SLC5A3: variants seen among roughly 807,000 people sequenced by gnomAD.
SLC5A3 encodes the protein solute carrier family 5 member 3, also known as sodium/myo-inositol cotransporter.
A neutral mutation model predicts 43.2 loss-of-function variants in SLC5A3; 10 were observed. The ratio of observed to expected loss-of-function variants is 0.23; its 90% CI spans 0.14 to 0.39. The LOEUF is 0.39. Among genes scored for constraint, SLC5A3 ranks in the 10% least tolerant of loss-of-function variants. The pLI is 1.00. For synonymous variants in SLC5A3, 349 were observed against 322.0 expected (o/e 1.08, Z -0.90); for missense variants, 608 against 893.4 (o/e 0.68, Z 4.07).
Position 34,092,260 on chromosome 21 carries a change from A to T in SLC5A3, c.-336-2603A>T, listed in dbSNP as rs1359760690. 2.0e-5 allele frequency among the ~76,000 whole-genome samples: 3 copies of T among 152,172 alleles called. No individual in the cohort carries two copies. The East Asian group carries it at 5.8e-4, about 29-fold the overall frequency. ...TAGCTGCATTGCATTATAGTATTTT[A>T]TATATTTCTACAAACCAAATTGACC... On this transcript the variant is annotated intron_variant, in intron 1 of 1. Transcript: ENST00000381151.
chr21:34,101,120 C>T lies in SLC5A3; in HGVS notation c.*3765C>T. The T allele has an allele frequency of 1.0e-6, 1 of 999,964 alleles. No homozygotes were observed. Among genetic ancestry groups the T allele is most frequent in the African/African-American group, 1.7e-5 (1 of 57,298 alleles). 61.9% of individuals were successfully genotyped at this position (999,964 alleles called of 1,614,324 possible). A position where few individuals can be genotyped will look rare whatever the true frequency, so the allele number is the denominator to read the frequency against. ...CAGAGACTTGCCAGGACAAAATTTT[C>T]CTAAGAAATCAGAAAAATGATTAAG... On this transcript the variant is annotated 3_prime_UTR_variant, in exon 2 of 2. Coordinates refer to ENST00000381151, the MANE Select transcript of SLC5A3 (RefSeq NM_006933.7).
chr21:34,084,601 A>G (rs1189102286), intron 1 of SLC5A3, among the ~76,000 whole-genome samples: 4 of 152,178 alleles, frequency 2.6e-5, no homozygotes, highest in Admixed American at 6.5e-5. Context: ...CATATGTACA[A>G]TTCTCTTGAA....
Position 34,083,186 on chromosome 21 carries a change from T to C in SLC5A3, c.-337+9441T>C, listed in dbSNP as rs564300894. Among the ~76,000 whole-genome samples, 6 of 152,360 alleles carry C rather than the reference T, an allele frequency of 3.9e-5. No individual in the cohort carries two copies. In the East Asian group the frequency reaches 1.2e-3, roughly 29 times the overall value. ...AGTGCAGTTATGGTAGCCGGGTTGC[T>C]GTGGATATAATCCAGTTTGAGAAAA... On this transcript the variant is annotated intron_variant, in intron 1 of 1. Transcript: ENST00000381151.
Position 34,100,733 on chromosome 21 carries a change from A to G in SLC5A3, c.*3378A>G, listed in dbSNP as rs967653296. On this transcript the variant is annotated 3_prime_UTR_variant, in exon 2 of 2. Transcript: ENST00000381151. ...AAGGGGTTAACTCTTGTGAGAGCCA[A>G]TAGAGTGTGTCTGTATTCGCAGTCC... is the stretch of plus-strand genomic sequence containing the variant. 6.0e-6 allele frequency: 6 copies of G among 1,000,016 alleles called. No individual in the cohort carries two copies. Among genetic ancestry groups the G allele is most frequent in the East Asian group, 1.1e-4 (1 of 8,836 alleles). 61.9% of individuals were successfully genotyped at this position (1,000,016 alleles called of 1,614,324 possible).
intron 1 of SLC5A3, among the ~76,000 whole-genome samples, chr21:34,092,313 A>G (rs1978737787): frequency 6.6e-6 from 1 of 152,086 alleles, no homozygotes; most frequent in African/African-American, 2.4e-5. Flanking sequence ...TTCCTTTTCC[A>G]GTCTTTACCA....
At chr21:34,094,520 G>T (rs1341646055) in intron 1 of SLC5A3, among the ~76,000 whole-genome samples, 1 of 152,076 alleles carries the variant, frequency 6.6e-6, no homozygotes, top group Non-Finnish European at 1.5e-5. Flanking sequence ...CCCCTTTAGG[G>T]TGCTTTAAGA....
chr21:34,086,327 A>G (rs1273391870), intron 1 of SLC5A3, among the ~76,000 whole-genome samples: 1 of 152,124 alleles, frequency 6.6e-6, no homozygotes, highest in Non-Finnish European at 1.5e-5. Context: ...GTGGGTACAG[A>G]TGTTAGCAGC....
chr21:34,085,872 GA>G (rs1265428184), intron 1 of SLC5A3, among the ~76,000 whole-genome samples: 1 of 152,142 alleles, frequency 6.6e-6, no homozygotes, highest in Non-Finnish European at 1.5e-5. Flanking sequence ...AAAGTGCTGG[GA>G]TTACAGGTGT....
intron 1 of SLC5A3, among the ~76,000 whole-genome samples, chr21:34,093,189 A>G (rs1357566002): frequency 1.3e-5 from 2 of 151,646 alleles, no homozygotes; most frequent in Non-Finnish European, 1.5e-5. Flanking sequence ...AAATATGATC[A>G]TCTTCAGGAT....
At chr21:34,076,963 A>G (rs62228247) in intron 1 of SLC5A3, among the ~76,000 whole-genome samples, 7,486 of 152,328 alleles carry the variant, frequency 0.049, 260 homozygotes, top group Non-Finnish European at 0.075. Context: ...CTGCAGTCCC[A>G]GGTAGCCTCA....
chr21:34,094,391 C>T (rs1055930115), intron 1 of SLC5A3, among the ~76,000 whole-genome samples: 1 of 152,152 alleles, frequency 6.6e-6, no homozygotes, highest in African/African-American at 2.4e-5. Context: ...TAAACACCAC[C>T]TGCCTGTTCC....
intron 1 of SLC5A3, among the ~76,000 whole-genome samples, chr21:34,082,268 A>G (rs1425361810): frequency 2.0e-5 from 3 of 152,216 alleles, no homozygotes; most frequent in Non-Finnish European, 4.4e-5. Context: ...CAGCAATGGC[A>G]GGCATATTCA....
chr21:34,089,317 C>T (rs1978562717), intron 1 of SLC5A3, among the ~76,000 whole-genome samples: 1 of 151,916 alleles, frequency 6.6e-6, no homozygotes, highest in Non-Finnish European at 1.5e-5. Context: ...CACGCCCAGC[C>T]TGTTATTTCA....
chr21:34,099,816 T>A lies in SLC5A3; in HGVS notation c.*2461T>A. On this transcript the variant is annotated 3_prime_UTR_variant, in exon 2 of 2. Coordinates refer to ENST00000381151, the MANE Select transcript of SLC5A3 (RefSeq NM_006933.7). ...CATTAGAATTGTTTATTCTTGCCAG[T>A]ATAAACATCATTTTATTTAGACTAA... is the stretch of plus-strand genomic sequence containing the variant. The A allele has an allele frequency of 7.7e-6, 5 of 651,880 alleles. No homozygotes were observed. Among genetic ancestry groups the A allele is most frequent in the Non-Finnish European group, 9.8e-6 (5 of 512,712 alleles). 40.4% of individuals were successfully genotyped at this position (651,880 alleles called of 1,614,324 possible).
At chr21:34,076,281 T>C (rs1989328737) in intron 1 of SLC5A3, among the ~76,000 whole-genome samples, 1 of 151,328 alleles carries the variant, frequency 6.6e-6, no homozygotes, top group South Asian at 2.1e-4. Context: ...TCCTCATTAC[T>C]TTTTTTTTGA....
In SLC5A3 at chr21:34,103,548, T is replaced by A; in HGVS notation, c.*6193T>A. 1 of 1,000,172 alleles carries A rather than the reference T, an allele frequency of 1.0e-6. No individual in the cohort carries two copies. The allele number at this position is 1,000,172 out of a possible 1,614,324, so 62.0% of individuals were successfully genotyped here. On this transcript the variant is annotated 3_prime_UTR_variant, in exon 2 of 2. Coordinates refer to ENST00000381151, the MANE Select transcript of SLC5A3 (RefSeq NM_006933.7). ...CGTGACAACAGTTTATATTCCATGA[T>A]AGAAAGCTAAAGTCCATAGAAAGCA...
At position 34,104,048 on chromosome 21, in the gene SLC5A3, A is replaced by G. The variant is rs1387120793; in HGVS notation, c.*6693A>G. On this transcript the variant is annotated 3_prime_UTR_variant, in exon 2 of 2. Coordinates refer to ENST00000381151, the MANE Select transcript of SLC5A3 (RefSeq NM_006933.7). ...TGCCCCCCCAAACATGCAGAAAGTC[A>G]TACTTTAACAGGGCAAATACTACTT... 2.0e-6 allele frequency: 2 copies of G among 1,000,028 alleles called. No homozygotes were observed. The highest frequency in any genetic ancestry group is 2.4e-6 in the Non-Finnish European group (2 of 829,928). 61.9% of individuals were successfully genotyped at this position (1,000,028 alleles called of 1,614,324 possible).
rs1979433719 is a variant in SLC5A3, at chr21:34,105,420, A to C, written c.*8065A>C. The C allele has an allele frequency of 4.0e-6, 4 of 998,830 alleles. No homozygotes were observed. The highest frequency in any genetic ancestry group is 4.8e-6 in the Non-Finnish European group (4 of 828,860). The allele number at this position is 998,830 out of a possible 1,614,324, so 61.9% of individuals were successfully genotyped here. A position where few individuals can be genotyped will look rare whatever the true frequency, so the allele number is the denominator to read the frequency against. ...TAATAATATCCTGTGAAATTGCTTC[A>C]TTCATTCATTTATTTTTAAGCCAAA... On this transcript the variant is annotated 3_prime_UTR_variant, in exon 2 of 2. Transcript: ENST00000381151.
intron 1 of SLC5A3, among the ~76,000 whole-genome samples, chr21:34,074,873 A>T (rs1989288364): frequency 6.6e-6 from 1 of 151,976 alleles, no homozygotes; most frequent in African/African-American, 2.4e-5. Flanking sequence ...GAGCGTCGGG[A>T]GATTGTTAGG....
Sources: gnomAD v4.1 joint callset for allele counts (sites outside exome capture counted in the v4.1 genomes callset) on GRCh38, gnomAD v4.1.1 for gene constraint, MANE v1.5 for transcripts, NCBI Gene and HGNC (gene_info 2026-07-23, HGNC 2026-07-21) for gene names.